The following CABIN1 variants were observed in gnomAD, a reference collection of about 807,000 sequenced individuals.
CABIN1 encodes calcineurin-binding protein cabin-1.
CABIN1 carries 133 observed loss-of-function variants against 227.7 expected under a neutral mutation model. That is an observed-to-expected ratio of 0.58 (90% CI 0.51 to 0.67). The LOEUF (loss-of-function observed/expected upper bound fraction) is 0.67, where lower values mean the gene tolerates loss of function less well. Ranked by LOEUF, CABIN1 falls within the 30% of genes least tolerant of loss-of-function variation. The pLI is 0.00. For synonymous variants in CABIN1, 1,086 were observed against 1,155.1 expected (o/e 0.94, Z 1.21); for missense variants, 2,408 against 2,852.5 (o/e 0.84, Z 3.55).
chr22:24,131,276 C>G (rs564733412), intron 28 of CABIN1, among the ~76,000 whole-genome samples: 1 of 152,374 alleles, frequency 6.6e-6, no homozygotes, highest in East Asian at 1.9e-4. Context: ...GTCTTCCGGA[C>G]ACTTTTCCAA....
At chr22:24,055,290 G>A in intron 9 of CABIN1, 131 bp downstream of exon 9, 6 of 1,096,374 alleles carry the variant, frequency 5.5e-6, no homozygotes, top group Non-Finnish European at 7.7e-6. Context: ...AAGTGGAAGT[G>A]GGAGCCCCCA....
intron 1 of CABIN1, among the ~76,000 whole-genome samples, chr22:24,020,109 G>A (rs550779046): frequency 1.0e-3 from 154 of 152,246 alleles, no homozygotes; most frequent in African/African-American, 3.6e-3. Context: ...AATAAGGTTT[G>A]CCCATGAAAT....
chr22:24,177,395 C>A lies in CABIN1; in HGVS notation c.6206-109C>A. On this transcript the variant is annotated intron_variant, in intron 35 of 36. Coordinates refer to ENST00000263119, the MANE Select transcript of CABIN1 (RefSeq NM_012295.4). This position sits in a 1 kb window ranked among gnomAD's most constrained non-coding sequence, Gnocchi z 4.4. ...CTTGGAGCCTGCCAGCCAGCACAAACTACACAGCATAAAGGCCCAGGACCT... is the reference window on the plus strand; with the variant it reads ...CTTGGAGCCTGCCAGCCAGCACAAAATACACAGCATAAAGGCCCAGGACCT... 2.0e-6 allele frequency: 2 copies of A among 997,678 alleles called. No individual in the cohort carries two copies. Among genetic ancestry groups the A allele is most frequent in the South Asian group, 1.7e-5 (1 of 58,470 alleles). The allele number at this position is 997,678 out of a possible 1,614,324, so 61.8% of individuals were successfully genotyped here. A position where few individuals can be genotyped will look rare whatever the true frequency, so the allele number is the denominator to read the frequency against.
At chr22:24,056,053 A>G (rs1156325573) in intron 9 of CABIN1, 139 bp from the exon 10 acceptor site, 1 of 737,030 alleles carries the variant, frequency 1.4e-6, no homozygotes. Context: ...TTGTTGTTGA[A>G]GAAGAGATGG....
At chr22:24,016,923 T>A (rs2035330444) in intron 1 of CABIN1, among the ~76,000 whole-genome samples, 1 of 152,178 alleles carries the variant, frequency 6.6e-6, no homozygotes, top group Non-Finnish European at 1.5e-5. Context: ...AGTTGCGTCT[T>A]CTTTTGTGAT....
At chr22:24,056,943 CTTT>C (rs796302054) in intron 10 of CABIN1, among the ~76,000 whole-genome samples, 1 of 146,452 alleles carries the variant, frequency 6.8e-6, no homozygotes, top group African/African-American at 2.5e-5. Context: ...GTCCTTCTGC[CTTT>C]TTTTTTTTGA....
chr22:24,034,105 T>G (rs1159665255), intron 1 of CABIN1, among the ~76,000 whole-genome samples: 1 of 152,232 alleles, frequency 6.6e-6, no homozygotes, highest in Non-Finnish European at 1.5e-5. Flanking sequence ...ATCCCTCGCA[T>G]GCACAGTTCA....
At chr22:24,012,628 A>G (rs973209709) in intron 1 of CABIN1, among the ~76,000 whole-genome samples, 2 of 152,184 alleles carry the variant, frequency 1.3e-5, no homozygotes, top group African/African-American at 2.4e-5. Flanking sequence ...TGGAAACTAT[A>G]TTCTAAGGGG....
At chr22:24,106,377 C>T (rs1450945548) in intron 26 of CABIN1, among the ~76,000 whole-genome samples, 1 of 152,222 alleles carries the variant, frequency 6.6e-6, no homozygotes, top group African/African-American at 2.4e-5. Context: ...TCCTCCTGCC[C>T]CTCTTCAGGG....
intron 29 of CABIN1, among the ~76,000 whole-genome samples, chr22:24,138,796 C>T (rs1602299221): frequency 1.3e-5 from 2 of 152,284 alleles, no homozygotes; most frequent in Middle Eastern, 3.4e-3. Context: ...ACATGGACAA[C>T]TATGTCAAAA....
In CABIN1 at chr22:24,098,011, C is replaced by G. The variant is rs1450511911; in HGVS notation, c.3939-3C>G. The G allele has an allele frequency of 6.2e-7, 1 of 1,614,204 alleles. No homozygotes were observed. The highest frequency in any genetic ancestry group is 2.2e-5 in the East Asian group (1 of 44,884). ...CCTGTGCCCCAAACCTCTGTTCCCA[C>G]AGGGAGAAGGCCTGCCTGGTGGACG... On this transcript the variant is annotated splice_region_variant and splice_polypyrimidine_tract_variant and intron_variant, in intron 25 of 36. Transcript: ENST00000263119.
intron 29 of CABIN1, among the ~76,000 whole-genome samples, chr22:24,159,716 G>T (rs1001134051): frequency 1.3e-5 from 2 of 152,190 alleles, no homozygotes; most frequent in Non-Finnish European, 2.9e-5. Flanking sequence ...GGGTGTGGCA[G>T]CAGGGGACAG....
chr22:24,142,087 G>C (rs142929302), intron 29 of CABIN1, among the ~76,000 whole-genome samples: 1 of 152,282 alleles, frequency 6.6e-6, no homozygotes, highest in African/African-American at 2.4e-5. Context: ...CCAGTTGGTT[G>C]TGTAACCTTG....
In CABIN1 at chr22:24,065,136, G is replaced by T. The variant is rs1416829216; in HGVS notation, c.2037+949G>T. Among the ~76,000 whole-genome samples the T allele has an allele frequency of 1.8e-3, 277 of 150,092 alleles. 2 individuals are homozygous for T. In the East Asian group the frequency reaches 0.032, roughly 17 times the overall value. On this transcript the variant is annotated intron_variant, in intron 15 of 36. Coordinates refer to ENST00000263119, the MANE Select transcript of CABIN1 (RefSeq NM_012295.4). ...CACCTCCCAGACGGGGCGGCTGGCC[G>T]GGCGGGGGCTGACCCCCCACCTCCC...
At chr22:24,038,299 AAGAC>A (rs759979234) in intron 3 of CABIN1, 45 bp from the exon 4 acceptor site, 19 of 1,508,910 alleles carry the variant, frequency 1.3e-5, no homozygotes, top group Middle Eastern at 3.4e-4. Flanking sequence ...TGGCTTAAAA[AAGAC>A]AGATCTTTAT....
At chr22:24,110,158 AC>A (rs1488412522) in intron 26 of CABIN1, among the ~76,000 whole-genome samples, 1 of 151,990 alleles carries the variant, frequency 6.6e-6, no homozygotes, top group African/African-American at 2.4e-5. Context: ...GCAACACAAG[AC>A]CCTGTCTCAA....
chr22:24,169,397 G>C (rs1029572406), intron 33 of CABIN1, among the ~76,000 whole-genome samples: 1 of 152,180 alleles, frequency 6.6e-6, no homozygotes, highest in Admixed American at 6.5e-5. Flanking sequence ...GTCCAGACGG[G>C]CTTCCTTCTC....
At chr22:24,017,678 T>A (rs1460033188) in intron 1 of CABIN1, among the ~76,000 whole-genome samples, 1 of 152,210 alleles carries the variant, frequency 6.6e-6, no homozygotes, top group Admixed American at 6.5e-5. Flanking sequence ...TTTTGTGACA[T>A]GTGTCAGGAT....
chr22:24,149,119 A>G (rs1322108412), intron 29 of CABIN1, among the ~76,000 whole-genome samples: 2 of 152,188 alleles, frequency 1.3e-5, no homozygotes, highest in African/African-American at 4.8e-5. Flanking sequence ...TGCAGCTGAC[A>G]AGTGCTCCTG....
Sources: gnomAD v4.1 joint callset for allele counts (sites outside exome capture counted in the v4.1 genomes callset) on GRCh38, gnomAD v4.1.1 for gene constraint, Gnocchi (gnomAD v3.1) non-coding constraint, MANE v1.5 for transcripts, NCBI Gene and HGNC (gene_info 2026-07-23, HGNC 2026-07-21) for gene names.